ZFHX3: variants seen among roughly 807,000 people sequenced by gnomAD.
ZFHX3 encodes the protein zinc finger homeobox 3.
In ZFHX3, 42 loss-of-function variants were observed where a neutral mutation model predicts 279.1. The observed-to-expected ratio is 0.15, with a 90% CI of 0.12 to 0.19. The LOEUF is 0.19. Among genes scored for constraint, ZFHX3 ranks in the 10% least tolerant of loss-of-function variants. The pLI is 1.00. For synonymous variants in ZFHX3, 2,293 were observed against 1,957.8 expected (o/e 1.17, Z -4.52); for missense variants, 4,981 against 4,754.0 (o/e 1.05, Z -1.40).
At chr16:72,974,847 G>C (rs1439080942) in intron 1 of ZFHX3, among the ~76,000 whole-genome samples, 1 of 152,164 alleles carries the variant, frequency 6.6e-6, no homozygotes, top group Admixed American at 6.5e-5. Context: ...TGCGTACTAA[G>C]CTTCCACCCA....
intron 2 of ZFHX3, among the ~76,000 whole-genome samples, chr16:73,555,765 G>A (rs570540685): frequency 6.6e-6 from 1 of 151,844 alleles, no homozygotes; most frequent in South Asian, 2.1e-4. Flanking sequence ...TCAGGAGGCG[G>A]AGGTTGCAGT....
chr16:73,508,706 G>A (rs1391815953), intron 2 of ZFHX3, among the ~76,000 whole-genome samples: 1 of 152,206 alleles, frequency 6.6e-6, no homozygotes, highest in Non-Finnish European at 1.5e-5. Context: ...AGTACACACT[G>A]GAAATATGAG....
intron 2 of ZFHX3, among the ~76,000 whole-genome samples, chr16:73,664,426 A>G (rs2052815100): frequency 6.6e-6 from 1 of 152,242 alleles, no homozygotes; most frequent in Non-Finnish European, 1.5e-5. Context: ...TGCAGTACAT[A>G]TATTCGTTCT....
chr16:73,752,549 C>T (rs907977260), intron 1 of ZFHX3, among the ~76,000 whole-genome samples: 3 of 152,148 alleles, frequency 2.0e-5, no homozygotes, highest in African/African-American at 7.2e-5. Flanking sequence ...TGGTCCCCAA[C>T]AGCTCCATGT....
rs1208994751 is a variant in ZFHX3 at position 72,787,658 on chromosome 16, C to G, written c.10618G>C (p.Gly3540Arg). ...HCLACESALC[G>R]EEALSQHLES... ...AGATGTTGACTCAGAGCTTCCTCCC[C>G]ACAGAGCGCGCTCTCGCACGCCAGG... Residue 3540 changes from glycine (G) to arginine (R), a missense_variant, in exon 10 of 10, where the codon GGG (glycine) becomes CGG (arginine). Gly to Arg is a moderately radical substitution (Grantham distance 125). This residue lies in a region of ZFHX3 where 1,034 missense variants were observed against 786.0 expected (regional missense o/e 1.32). Coordinates refer to ENST00000268489, the MANE Select transcript of ZFHX3 (RefSeq NM_006885.4). The G allele has an allele frequency of 1.3e-6, 2 of 1,583,162 alleles. No homozygotes were observed. Among genetic ancestry groups the G allele is most frequent in the South Asian group, 1.1e-5 (1 of 87,038 alleles).
Position 72,940,951 on chromosome 16 carries a change from T to G in ZFHX3, c.3216+9518A>C, listed in dbSNP as rs188409214. ...CTCTGCATTCCCTATTAGCGACCTA[T>G]ACACCATAGGCACACAGGGTCTCCC... On this transcript the variant is annotated intron_variant, in intron 3 of 9. Coordinates refer to ENST00000268489, the MANE Select transcript of ZFHX3 (RefSeq NM_006885.4). Among the ~76,000 whole-genome samples the G allele has an allele frequency of 2.1e-3, 317 of 152,358 alleles. 1 individual carries two copies. Among genetic ancestry groups the G allele is most frequent in the African/African-American group, 7.5e-3 (310 of 41,586 alleles).
intron 5 of ZFHX3, among the ~76,000 whole-genome samples, chr16:73,189,062 C>T (rs1028552396): frequency 3.3e-5 from 5 of 152,100 alleles, no homozygotes; most frequent in African/African-American, 1.2e-4. Context: ...CAGGATTTCA[C>T]CATATTGGCC....
chr16:73,176,939 TGCAGCATCA>T (rs1435517041), intron 5 of ZFHX3, among the ~76,000 whole-genome samples: 3 of 152,014 alleles, frequency 2.0e-5, no homozygotes, highest in African/African-American at 7.2e-5. Context: ...CACCTAGATT[TGCAGCATCA>T]GCATGACTAA....
chr16:73,166,006 C>A (rs1967355090), intron 5 of ZFHX3, among the ~76,000 whole-genome samples: 1 of 152,118 alleles, frequency 6.6e-6, no homozygotes, highest in African/African-American at 2.4e-5. Flanking sequence ...AACTATAAAA[C>A]CAGGAGGATA....
rs1966869291 is a variant in ZFHX3 at position 73,147,487 on chromosome 16, T to C, written c.-1103-3656A>G. Among the ~76,000 whole-genome samples, 3 of 150,646 alleles carry C rather than the reference T, an allele frequency of 2.0e-5. No individual in the cohort carries two copies. In the East Asian group the frequency reaches 5.9e-4, roughly 30 times the overall value. Reference sequence around the variant, plus strand: ...GCGGGCGGATCACGAGGTCAGGAGATCGAGACCATCCTGGCTAACACGGTG... The same window carrying C: ...GCGGGCGGATCACGAGGTCAGGAGACCGAGACCATCCTGGCTAACACGGTG... On this transcript the variant is annotated intron_variant, in intron 5 of 17. Transcript: ENST00000641206.
chr16:73,155,390 G>A (rs1490881170), intron 5 of ZFHX3, among the ~76,000 whole-genome samples: 1 of 152,128 alleles, frequency 6.6e-6, no homozygotes, highest in Non-Finnish European at 1.5e-5. Flanking sequence ...CAAGGATCTT[G>A]TTGCCCAAGA....
intron 2 of ZFHX3, among the ~76,000 whole-genome samples, chr16:73,616,815 T>G (rs2052307939): frequency 6.6e-6 from 1 of 152,164 alleles, no homozygotes. Flanking sequence ...TGAAGGTGAT[T>G]TCACATTTCT....
chr16:73,648,790 T>C (rs2052644374), intron 2 of ZFHX3, among the ~76,000 whole-genome samples: 1 of 152,230 alleles, frequency 6.6e-6, no homozygotes, highest in Non-Finnish European at 1.5e-5. Flanking sequence ...GTTTCCACAG[T>C]TGTTTATAAT....
chr16:73,735,478 A>G (rs1011880388), intron 1 of ZFHX3, among the ~76,000 whole-genome samples: 5 of 151,880 alleles, frequency 3.3e-5, no homozygotes, highest in African/African-American at 4.8e-5. Flanking sequence ...TACTCTAGGT[A>G]TCTCAAATAA....
intron 2 of ZFHX3, among the ~76,000 whole-genome samples, chr16:73,625,288 T>TA (rs2052404527): frequency 6.6e-6 from 1 of 152,152 alleles, no homozygotes; most frequent in African/African-American, 2.4e-5. Context: ...TTCAGAATAA[T>TA]AAAAAACAGC....
intron 3 of ZFHX3, among the ~76,000 whole-genome samples, chr16:73,416,987 C>T (rs1473342759): frequency 6.6e-6 from 1 of 151,976 alleles, no homozygotes; most frequent in African/African-American, 2.4e-5. Flanking sequence ...GCATGAAAAC[C>T]TGGCAGATAC....
chr16:73,778,826 C>A (rs996745471), intron 1 of ZFHX3, among the ~76,000 whole-genome samples: 2 of 152,222 alleles, frequency 1.3e-5, no homozygotes, highest in African/African-American at 2.4e-5. Flanking sequence ...CAATGACTAA[C>A]AGTCTGTGCC....
At chr16:73,455,825 G>A (rs1325777307) in intron 3 of ZFHX3, among the ~76,000 whole-genome samples, 1 of 151,150 alleles carries the variant, frequency 6.6e-6, no homozygotes, top group Non-Finnish European at 1.5e-5. Flanking sequence ...GAGTGAGGGG[G>A]CCCAATTGGA....
chr16:73,111,298 A>G (rs1966370488), intron 7 of ZFHX3, among the ~76,000 whole-genome samples: 1 of 152,170 alleles, frequency 6.6e-6, no homozygotes, highest in Admixed American at 6.6e-5. Context: ...TCCCTTGAGA[A>G]TGTTTTGACA....
Sources: gnomAD v4.1 joint callset for allele counts (sites outside exome capture counted in the v4.1 genomes callset) on GRCh38, gnomAD v4.1.1 for gene constraint, gnomAD v4.1.1 regional missense constraint, MANE v1.5 for transcripts, NCBI Gene and HGNC (gene_info 2026-07-23, HGNC 2026-07-21) for gene names.